SGTB: variants seen among roughly 807,000 people sequenced by gnomAD.
SGTB encodes the protein small glutamine-rich tetratricopeptide repeat-containing protein beta.
SGTB carries 19 observed loss-of-function variants against 43.9 expected under a neutral mutation model. The ratio of observed to expected loss-of-function variants is 0.43; its 90% CI spans 0.30 to 0.63. The LOEUF is 0.63. Ranked by LOEUF, SGTB falls within the 30% of genes least tolerant of loss-of-function variation. SGTB has a pLI of 0.12. For missense variants in SGTB, 304 were observed against 358.9 expected (o/e 0.85, Z 1.24); for synonymous variants, 116 against 117.3 (o/e 0.99, Z 0.07).
At chr5:65,708,869 C>T (rs574337759) in intron 3 of SGTB, among the ~76,000 whole-genome samples, 8 of 151,964 alleles carry the variant, frequency 5.3e-5, no homozygotes, top group East Asian at 1.9e-4. Flanking sequence ...GGTGAAACCC[C>T]GTCTCTATAG....
At chr5:65,691,910 G>A (rs1206445214) in intron 5 of SGTB, among the ~76,000 whole-genome samples, 2 of 148,110 alleles carry the variant, frequency 1.4e-5, no homozygotes, top group Non-Finnish European at 3.0e-5. Flanking sequence ...CAGCCTGGGT[G>A]ACAGACCGAG....
At chr5:65,686,517 GT>G (rs1384920398) in intron 5 of SGTB, among the ~76,000 whole-genome samples, 2,328 of 137,262 alleles carry the variant, frequency 0.017, 56 homozygotes, top group African/African-American at 0.054. Context: ...ACCCACATTT[GT>G]TTTTTTTTTT....
intron 6 of SGTB, among the ~76,000 whole-genome samples, chr5:65,683,684 G>GGCTGGGCGCAGTGGCTCAC (rs75253919): frequency 6.6e-6 from 1 of 151,784 alleles, no homozygotes; most frequent in South Asian, 2.1e-4. Flanking sequence ...AGTTAATAGT[G>GGCTGGGCGCAGTGGCTCAC]GCCTGTAATC....
chr5:65,718,958 T>C (rs1055980308), intron 2 of SGTB, among the ~76,000 whole-genome samples: 1 of 152,240 alleles, frequency 6.6e-6, no homozygotes, highest in Non-Finnish European at 1.5e-5. Flanking sequence ...ATCTGTTTGC[T>C]ACAGAGCAAT....
At chr5:65,718,586 G>C (rs1032355617) in intron 2 of SGTB, among the ~76,000 whole-genome samples, 6 of 152,202 alleles carry the variant, frequency 3.9e-5, no homozygotes, top group Non-Finnish European at 8.8e-5. Flanking sequence ...CTGATGGCAA[G>C]ACAAAGCTGA....
At chr5:65,710,467 A>C (rs16894236) in intron 3 of SGTB, among the ~76,000 whole-genome samples, 28,681 of 152,190 alleles carry the variant, frequency 0.19, 3,311 homozygotes, top group South Asian at 0.31. Flanking sequence ...ACCTATTCTA[A>C]ATAAAGGGAA....
chr5:65,686,822 A>C (rs1453188366), intron 5 of SGTB, among the ~76,000 whole-genome samples: 2 of 152,224 alleles, frequency 1.3e-5, no homozygotes, highest in Non-Finnish European at 2.9e-5. Flanking sequence ...AACACCACCT[A>C]GCTCCAAGTA....
At position 65,672,062 on chromosome 5, in the gene SGTB, A is replaced by T. The variant is rs1422846621; in HGVS notation, c.720-64T>A. On this transcript the variant is annotated intron_variant, in intron 9 of 10. Transcript: ENST00000381007. Reference sequence around the variant, plus strand: ...TATTCTTAACAAATAGGACAACTGGACGAGGAAAAGTTAATAAAATACCCA... The same window carrying T: ...TATTCTTAACAAATAGGACAACTGGTCGAGGAAAAGTTAATAAAATACCCA... The T allele has an allele frequency of 5.0e-6, 8 of 1,596,558 alleles. No individual in the cohort carries two copies. The Admixed American group carries it at 1.3e-4, about 27-fold the overall frequency.
At chr5:65,675,843 CA>C in intron 8 of SGTB, among the ~76,000 whole-genome samples, 1 of 152,274 alleles carries the variant, frequency 6.6e-6, no homozygotes, top group Middle Eastern at 3.4e-3. Flanking sequence ...CTGAAGGAAG[CA>C]CTAAATATGG....
chr5:65,705,750 G>A (rs757237811), intron 4 of SGTB, among the ~76,000 whole-genome samples: 9 of 152,036 alleles, frequency 5.9e-5, no homozygotes, highest in South Asian at 2.1e-4. Context: ...TCTGTAGGCC[G>A]GGTATGATGG....
chr5:65,683,152 A>G (rs976411800), intron 6 of SGTB, among the ~76,000 whole-genome samples: 9 of 151,956 alleles, frequency 5.9e-5, no homozygotes, highest in Non-Finnish European at 1.2e-4. Context: ...ATACTAGATA[A>G]CACTTCAGCC....
chr5:65,692,127 G>A (rs1015653387), intron 5 of SGTB, among the ~76,000 whole-genome samples: 1 of 152,054 alleles, frequency 6.6e-6, no homozygotes, highest in Non-Finnish European at 1.5e-5. Flanking sequence ...CTTCAGTGAG[G>A]AAGAGGGAGA....
chr5:65,671,377 T>TA (rs1175223083), intron 10 of SGTB, among the ~76,000 whole-genome samples: 1 of 152,052 alleles, frequency 6.6e-6, no homozygotes, highest in Non-Finnish European at 1.5e-5. Flanking sequence ...TACCCCCACT[T>TA]AAAAACCAAG....
chr5:65,670,178 T>C lies in SGTB; in HGVS notation c.*68A>G. The C allele has an allele frequency of 7.2e-7, 1 of 1,393,558 alleles. No homozygotes were observed. The highest frequency in any genetic ancestry group is 2.3e-5 in the East Asian group (1 of 43,224). The allele number at this position is 1,393,558 out of a possible 1,614,324, so 86.3% of individuals were successfully genotyped here. A position where few individuals can be genotyped will look rare whatever the true frequency, so the allele number is the denominator to read the frequency against. On this transcript the variant is annotated 3_prime_UTR_variant, in exon 11 of 11. Transcript: ENST00000381007. Reference sequence around the variant, plus strand: ...GTTTTTTGAAGGAGGGAGGGGGTACTATCTACAACAAATACTTCATTCATA... The same window carrying C: ...GTTTTTTGAAGGAGGGAGGGGGTACCATCTACAACAAATACTTCATTCATA...
upstream of SGTB, chr5:65,722,354 G>T (rs761534993): frequency 5.8e-6 from 9 of 1,553,662 alleles, no homozygotes; most frequent in Non-Finnish European, 7.8e-6. Context: ...GCCCGCCGCC[G>T]CCAGCCTCTC....
At chr5:65,705,272 C>CA (rs1554025826) in intron 4 of SGTB, among the ~76,000 whole-genome samples, 2 of 151,036 alleles carry the variant, frequency 1.3e-5, no homozygotes, top group Admixed American at 6.6e-5. Flanking sequence ...GTGGGACCCC[C>CA]CCTCATCTCA....
At position 65,685,829 on chromosome 5, in the gene SGTB, C is replaced by T. The variant is rs72766008; in HGVS notation, c.375-357G>A. Reference sequence around the variant, plus strand: ...TGGAGGCACAAAGAGTGAGTTATTGCTGTGAATGGCTACACAGAGGGTTGT... The same window carrying T: ...TGGAGGCACAAAGAGTGAGTTATTGTTGTGAATGGCTACACAGAGGGTTGT... On this transcript the variant is annotated intron_variant, in intron 5 of 10. Coordinates refer to ENST00000381007, the MANE Select transcript of SGTB (RefSeq NM_019072.3). Among the ~76,000 whole-genome samples, 4 of 152,192 alleles carry T rather than the reference C, an allele frequency of 2.6e-5. No homozygotes were observed. The South Asian group carries it at 8.3e-4, about 32-fold the overall frequency.
chr5:65,704,158 C>T, intron 5 of SGTB, 121 bp downstream of exon 5: 1 of 621,152 alleles, frequency 1.6e-6, no homozygotes, highest in African/African-American at 1.9e-5. Flanking sequence ...ATTTTTTCTT[C>T]CTTCTTTATA....
At chr5:65,673,150 C>T (rs762670857) in intron 8 of SGTB, among the ~76,000 whole-genome samples, 5 of 152,200 alleles carry the variant, frequency 3.3e-5, no homozygotes, top group Non-Finnish European at 7.3e-5. Flanking sequence ...AGTCACTTTT[C>T]AGTAAGCAAT....
Sources: allele counts gnomAD v4.1 joint callset (sites outside exome capture counted in the v4.1 genomes callset), GRCh38; gene constraint gnomAD v4.1.1; transcripts MANE v1.5; gene names NCBI Gene and HGNC (gene_info 2026-07-23, HGNC 2026-07-21).